Variants in NXN observed in about 807,000 individuals in gnomAD.
The protein encoded by NXN is nucleoredoxin 1.
In NXN, 16 loss-of-function variants were observed where a neutral mutation model predicts 48.6. The observed-to-expected ratio is 0.33, with a 90% confidence interval of 0.22 to 0.50. The LOEUF is 0.50. Among genes scored for constraint, NXN ranks in the 20% least tolerant of loss-of-function variants. The probability of loss-of-function intolerance (pLI) is 0.98; values close to 1 mark genes in which losing one functional copy is unlikely to be tolerated. For missense variants in NXN, 492 were observed against 605.5 expected, an observed-to-expected ratio of 0.81 and a Z score of 1.97; for synonymous variants, 281 against 269.6, an observed-to-expected ratio of 1.04 and a Z score of -0.41.
At chr17:884,682 T>C (rs1425578873) in intron 1 of NXN, among the ~76,000 whole-genome samples, 1 of 152,074 alleles carries the variant, frequency 6.6e-6, no homozygotes, top group Non-Finnish European at 1.5e-5. Flanking sequence ...CTGGTTTGCT[T>C]CTCCAGCCAC....
At chr17:854,950 C>T (rs2067969772) in intron 1 of NXN, among the ~76,000 whole-genome samples, 1 of 151,412 alleles carries the variant, frequency 6.6e-6, no homozygotes, top group Non-Finnish European at 1.5e-5. Flanking sequence ...CAGAGTGAGA[C>T]TCCGTCTCAA....
At position 805,142 on chromosome 17, in the gene NXN, G is replaced by A. The variant is rs762305538; in HGVS notation, c.926C>T (p.Pro309Leu). ...DEDCREFPWHPKPVLELSDSN... is the reference protein window; with the variant it reads ...DEDCREFPWHLKPVLELSDSN... ...GTCGGAGAGCTCCAGCACGGGCTTG[G>A]GGTGCCAGGGGAACTCCCGGCAGTC... Residue 309 changes from proline (P) to leucine (L), a missense_variant, in exon 6 of 8, where the codon CCC (proline) becomes CTC (leucine). Coordinates refer to ENST00000336868, the MANE Select transcript of NXN (RefSeq NM_022463.5). 6.8e-6 allele frequency: 11 copies of A among 1,610,156 alleles called. No homozygotes were observed. The highest frequency in any genetic ancestry group is 9.3e-6 in the Non-Finnish European group (11 of 1,178,852).
At chr17:812,851 CATGTGTGTAG>C (rs1271223316) in intron 5 of NXN, among the ~76,000 whole-genome samples, 2 of 127,094 alleles carry the variant, frequency 1.6e-5, no homozygotes, top group Non-Finnish European at 3.3e-5. Context: ...TAGGTGTGTG[CATGTGTGTAG>C]GTGTGTGTGG....
rs1490318199 is a variant in NXN, at chr17:820,760, C to A, written c.714-1215G>T. Reference sequence around the variant, plus strand: ...GCAACATGGAAAAACCGCATCTCTACTAAAAATACAAAAATTAGCCGGGTG... The same window carrying A: ...GCAACATGGAAAAACCGCATCTCTAATAAAAATACAAAAATTAGCCGGGTG... On this transcript the variant is annotated intron_variant, in intron 4 of 7. Transcript: ENST00000336868. Among the ~76,000 whole-genome samples, 4 of 70,566 alleles carry A rather than the reference C, an allele frequency of 5.7e-5. 2 individuals carry two copies. Among genetic ancestry groups the A allele is most frequent in the Admixed American group, 2.7e-4 (2 of 7,334 alleles). The allele number at this position is 70,566 out of a possible 152,430, so 46.3% of individuals were successfully genotyped here.
rs184341177 is a variant in NXN at position 880,511 on chromosome 17, C to T, written c.361-54433G>A. 1.9e-3 allele frequency among the ~76,000 whole-genome samples: 291 copies of T among 152,204 alleles called. 1 individual carries two copies. The highest frequency in any genetic ancestry group is 6.5e-3 in the African/African-American group (269 of 41,506). On this transcript the variant is annotated intron_variant, in intron 1 of 7. Transcript: ENST00000336868. ...CATTTCCCCAACAGGACATCATTTCCGGTCATTCACATGTGGTCAAGTTAA... is the reference window on the plus strand; with the variant it reads ...CATTTCCCCAACAGGACATCATTTCTGGTCATTCACATGTGGTCAAGTTAA...
intron 1 of NXN, among the ~76,000 whole-genome samples, chr17:868,835 G>A (rs1158109672): frequency 2.0e-5 from 3 of 152,180 alleles, no homozygotes; most frequent in Non-Finnish European, 4.4e-5. Context: ...TGCCAGCACC[G>A]ACCCTGGGCC....
rs573021540 is a variant in NXN at position 880,512 on chromosome 17, G to A, written c.361-54434C>T. ...ATTTCCCCAACAGGACATCATTTCC[G>A]GTCATTCACATGTGGTCAAGTTAAA... On this transcript the variant is annotated intron_variant, in intron 1 of 7. Coordinates refer to ENST00000336868, the MANE Select transcript of NXN (RefSeq NM_022463.5). 1.0e-3 allele frequency among the ~76,000 whole-genome samples: 157 copies of A among 152,164 alleles called. 1 individual carries two copies. Among genetic ancestry groups the A allele is most frequent in the Non-Finnish European group, 1.8e-3 (121 of 68,018 alleles).
At chr17:881,459 T>G (rs1463909871) in intron 1 of NXN, among the ~76,000 whole-genome samples, 1 of 152,160 alleles carries the variant, frequency 6.6e-6, no homozygotes, top group Non-Finnish European at 1.5e-5. Flanking sequence ...ACTCCCGGGC[T>G]CAAGAAATCT....
intron 1 of NXN, among the ~76,000 whole-genome samples, chr17:888,017 G>A (rs1351725412): frequency 4.6e-5 from 7 of 152,112 alleles, no homozygotes; most frequent in Non-Finnish European, 1.0e-4. Flanking sequence ...CACGGGTCAC[G>A]GTTGAGAAGC....
chr17:812,466 G>A (rs1048625536), intron 5 of NXN, among the ~76,000 whole-genome samples: 1 of 152,196 alleles, frequency 6.6e-6, no homozygotes, highest in African/African-American at 2.4e-5. Flanking sequence ...CCAGGGCACA[G>A]ACAGACTCAA....
chr17:912,561 A>G (rs9900728), intron 1 of NXN, among the ~76,000 whole-genome samples: 56,300 of 151,366 alleles, frequency 0.37, 10,647 homozygotes, highest in Middle Eastern at 0.5. Context: ...TTAATTGCAA[A>G]CAGAACCAGG....
chr17:963,750 A>T (rs1463348859), intron 1 of NXN, among the ~76,000 whole-genome samples: 1 of 152,142 alleles, frequency 6.6e-6, no homozygotes, highest in Non-Finnish European at 1.5e-5. Flanking sequence ...CAGTGATGTT[A>T]TCTTTGGAAA....
At chr17:916,294 C>A (rs185580613) in intron 1 of NXN, among the ~76,000 whole-genome samples, 324 of 152,236 alleles carry the variant, frequency 2.1e-3, no homozygotes, top group Non-Finnish European at 3.4e-3. Flanking sequence ...GTGCAGGATC[C>A]ATTTTATCCT....
intron 1 of NXN, among the ~76,000 whole-genome samples, chr17:970,382 A>G (rs556401184): frequency 7.9e-4 from 120 of 151,932 alleles, no homozygotes; most frequent in Non-Finnish European, 9.4e-4. Context: ...GGCTTTCCGT[A>G]GGATGAAGGG....
chr17:854,484 TA>T (rs1177284559), intron 1 of NXN, among the ~76,000 whole-genome samples: 246 of 136,400 alleles, frequency 1.8e-3, no homozygotes, highest in Admixed American at 2.7e-3. Flanking sequence ...CTGTCTCTAC[TA>T]AAAAAAAAAA....
At chr17:885,934 C>T (rs1459184682) in intron 1 of NXN, among the ~76,000 whole-genome samples, 2 of 151,920 alleles carry the variant, frequency 1.3e-5, no homozygotes, top group South Asian at 2.1e-4. Flanking sequence ...GTGATCCGCC[C>T]GCCTCGGCCT....
At chr17:933,091 G>A (rs1295853114) in intron 1 of NXN, among the ~76,000 whole-genome samples, 2 of 152,110 alleles carry the variant, frequency 1.3e-5, no homozygotes, top group East Asian at 3.9e-4. Context: ...ATCATTCTGG[G>A]GCCACGAGGA....
chr17:842,535 G>A (rs943657845), intron 1 of NXN: 14 of 985,288 alleles, frequency 1.4e-5, no homozygotes, highest in Admixed American at 1.2e-4. Flanking sequence ...CTTCGAAGAC[G>A]CCAACCAGAG....
intron 1 of NXN, among the ~76,000 whole-genome samples, chr17:890,669 C>T (rs1287793502): frequency 6.6e-6 from 1 of 152,142 alleles, no homozygotes; most frequent in Non-Finnish European, 1.5e-5. Context: ...GCATGAGCCA[C>T]CGCATCTAGC....
Sources: allele counts gnomAD v4.1 joint callset (sites outside exome capture counted in the v4.1 genomes callset), GRCh38; gene constraint gnomAD v4.1.1; transcripts MANE v1.5; gene names NCBI Gene and HGNC (gene_info 2026-07-23, HGNC 2026-07-21).